The following PTPRD variants were observed in gnomAD, a reference collection of about 807,000 sequenced individuals.
PTPRD encodes receptor-type tyrosine-protein phosphatase delta.
A neutral mutation model predicts 214.5 loss-of-function variants in PTPRD; 34 were observed. The observed-to-expected ratio is 0.16, with a 90% CI of 0.12 to 0.21. PTPRD has a LOEUF of 0.21. PTPRD is among the 10% of genes least tolerant of loss of function. The pLI is 1.00. For synonymous variants in PTPRD, 1,128 were observed against 845.7 expected (o/e 1.33, Z -5.79); for missense variants, 2,545 against 2,398.7 (o/e 1.06, Z -1.27).
At chr9:8,947,878 T>A (rs1178811172) in intron 11 of PTPRD, among the ~76,000 whole-genome samples, 3 of 152,154 alleles carry the variant, frequency 2.0e-5, no homozygotes, top group Admixed American at 2.0e-4. Context: ...AGTATTCTCC[T>A]TTTATTGGCT....
At chr9:9,513,861 T>C (rs113495822) in intron 8 of PTPRD, among the ~76,000 whole-genome samples, 10 of 152,194 alleles carry the variant, frequency 6.6e-5, no homozygotes, top group African/African-American at 2.4e-4. Context: ...ATTAGCATTT[T>C]CTTCCTCAAA....
chr9:8,558,549 C>T (rs7028141), intron 14 of PTPRD, among the ~76,000 whole-genome samples: 22,142 of 152,146 alleles, frequency 0.15, 4,880 homozygotes, highest in African/African-American at 0.48. Context: ...AGCTCAGAAA[C>T]AGCCTTTTCA....
In PTPRD at chr9:8,492,890, C is replaced by T. The variant is rs2136303218; in HGVS notation, c.2439G>A (p.Lys813=). Residue 813 remains lysine (K), a synonymous_variant, in exon 27 of 46, where the codon AAG becomes AAA. Coordinates refer to ENST00000381196, the MANE Select transcript of PTPRD (RefSeq NM_002839.4). ...YTTKGDGARS[K]PKLVSTTGAV... ...CCCCAGTGGTGGACACCAGTTTGGG[C>T]TTGCTGCGAGCACCATCTCCTTTGG... 6.2e-7 allele frequency: 1 copy of T among 1,613,794 alleles called. No homozygotes were observed. Among genetic ancestry groups the T allele is most frequent in the South Asian group, 1.1e-5 (1 of 91,070 alleles).
At chr9:10,569,763 T>G (rs1035493912) in intron 2 of PTPRD, among the ~76,000 whole-genome samples, 4 of 152,138 alleles carry the variant, frequency 2.6e-5, no homozygotes, top group African/African-American at 9.6e-5. Context: ...TGACCACAAT[T>G]CAATAGGTAA....
chr9:8,792,013 T>C (rs892568659), intron 11 of PTPRD, among the ~76,000 whole-genome samples: 1 of 152,116 alleles, frequency 6.6e-6, no homozygotes, highest in Non-Finnish European at 1.5e-5. Context: ...GTGAGAATTA[T>C]GAGGGAATGT....
chr9:10,366,917 G>T (rs2097527531), intron 2 of PTPRD, among the ~76,000 whole-genome samples: 1 of 152,046 alleles, frequency 6.6e-6, no homozygotes. Context: ...AGAACACCAG[G>T]ATAATGATTA....
At chr9:9,872,169 G>T (rs144584892) in intron 5 of PTPRD, among the ~76,000 whole-genome samples, 1 of 152,096 alleles carries the variant, frequency 6.6e-6, no homozygotes, top group Non-Finnish European at 1.5e-5. Context: ...ATAAACGAAA[G>T]GTATCATTTC....
At chr9:9,447,547 C>G (rs1298098208) in intron 8 of PTPRD, among the ~76,000 whole-genome samples, 1 of 151,936 alleles carries the variant, frequency 6.6e-6, no homozygotes, top group South Asian at 2.1e-4. Context: ...AGGAGAGGAT[C>G]AGGAAAAATA....
At chr9:9,357,746 A>G (rs1227720954) in intron 9 of PTPRD, among the ~76,000 whole-genome samples, 1 of 151,174 alleles carries the variant, frequency 6.6e-6, no homozygotes, top group African/African-American at 2.4e-5. Context: ...TAAGAGGGCA[A>G]TAGTGCAGAC....
intron 5 of PTPRD, among the ~76,000 whole-genome samples, chr9:9,843,199 C>CA (rs2058737210): frequency 6.6e-6 from 1 of 152,000 alleles, no homozygotes; most frequent in South Asian, 2.1e-4. Flanking sequence ...GTCTGCTACT[C>CA]ACTGTTCTAA....
intron 7 of PTPRD, among the ~76,000 whole-genome samples, chr9:9,733,780 T>C (rs189021553): frequency 1.3e-5 from 2 of 152,270 alleles, no homozygotes; most frequent in East Asian, 3.9e-4. Flanking sequence ...GATTTCTTCA[T>C]AGTATTAAAT....
intron 8 of PTPRD, among the ~76,000 whole-genome samples, chr9:9,397,837 A>G (rs1587133369): frequency 6.6e-6 from 1 of 151,946 alleles, no homozygotes; most frequent in Admixed American, 6.6e-5. Context: ...CACAATCTTG[A>G]ATTACTGGTC....
chr9:10,407,677 A>C (rs2098386009), intron 2 of PTPRD, among the ~76,000 whole-genome samples: 1 of 151,530 alleles, frequency 6.6e-6, no homozygotes. Context: ...TAGGGTTTCT[A>C]TATCAGTATG....
rs112886359 is a variant in PTPRD at position 8,780,667 on chromosome 9, G to T, written c.-103-46721C>A. 2.0e-5 allele frequency among the ~76,000 whole-genome samples: 3 copies of T among 152,146 alleles called. No individual in the cohort carries two copies. In the East Asian group the frequency reaches 5.8e-4, roughly 29 times the overall value. On this transcript the variant is annotated intron_variant, in intron 11 of 45. Transcript: ENST00000381196. ...CAGTAGAATGAAAAACTAGACTCAG[G>T]CAAGGCCTGAGAATCTACCTCATGT...
At chr9:10,575,811 T>C (rs2069102675) in intron 2 of PTPRD, among the ~76,000 whole-genome samples, 1 of 152,092 alleles carries the variant, frequency 6.6e-6, no homozygotes, top group Non-Finnish European at 1.5e-5. Context: ...CCCAACCCTT[T>C]CTCTCCCTAG....
At chr9:10,501,203 C>A (rs1566553383) in intron 2 of PTPRD, among the ~76,000 whole-genome samples, 1 of 151,902 alleles carries the variant, frequency 6.6e-6, no homozygotes, top group East Asian at 1.9e-4. Flanking sequence ...TTGGCATTCA[C>A]TGGTGCCTAT....
intron 10 of PTPRD, among the ~76,000 whole-genome samples, chr9:9,037,891 G>C (rs1404018531): frequency 6.6e-6 from 1 of 152,158 alleles, no homozygotes. Flanking sequence ...CAGGGACTTG[G>C]GAAGCAGGAA....
At chr9:9,350,881 G>C (rs1219586140) in intron 9 of PTPRD, among the ~76,000 whole-genome samples, 2 of 152,024 alleles carry the variant, frequency 1.3e-5, no homozygotes, top group Non-Finnish European at 2.9e-5. Flanking sequence ...AATATTTTAA[G>C]ATCCTCTTTT....
intron 11 of PTPRD, among the ~76,000 whole-genome samples, chr9:8,777,913 A>C (rs1275697630): frequency 6.6e-6 from 1 of 152,194 alleles, no homozygotes; most frequent in Non-Finnish European, 1.5e-5. Flanking sequence ...CATCCTCTAT[A>C]CAACAGAAGA....
Sources: allele counts gnomAD v4.1 joint callset (sites outside exome capture counted in the v4.1 genomes callset), GRCh38; gene constraint gnomAD v4.1.1; transcripts MANE v1.5; gene names NCBI Gene and HGNC (gene_info 2026-07-23, HGNC 2026-07-21).